Variants in C8A observed in about 807,000 individuals in gnomAD.
C8A encodes the protein complement C8 alpha chain.
A neutral mutation model predicts 65.3 loss-of-function variants in C8A; 67 were observed. That is an observed-to-expected ratio of 1.03 (90% CI 0.84 to 1.26). The LOEUF is 1.26. C8A is among the 50% of genes most tolerant of loss of function. The pLI is 0.00. For synonymous variants in C8A, 290 were observed against 259.4 expected (o/e 1.12, Z -1.13); for missense variants, 781 against 723.9 (o/e 1.08, Z -0.90).
intron 7 of C8A, among the ~76,000 whole-genome samples, chr1:56,900,244 A>G (rs1644416663): frequency 6.6e-6 from 1 of 152,184 alleles, no homozygotes; most frequent in Non-Finnish European, 1.5e-5. Context: ...GATGAAATGG[A>G]GCATCCATTG....
chr1:56,873,108 G>T (rs955084917), intron 2 of C8A, among the ~76,000 whole-genome samples: 6 of 152,152 alleles, frequency 3.9e-5, no homozygotes, highest in Non-Finnish European at 7.4e-5. Context: ...GGACAGGTTT[G>T]ATCTTCACCT....
intron 4 of C8A, among the ~76,000 whole-genome samples, chr1:56,880,588 G>A (rs1463772727): frequency 6.6e-6 from 1 of 152,134 alleles, no homozygotes; most frequent in Non-Finnish European, 1.5e-5. Flanking sequence ...AATGTCCCAT[G>A]CTGCCTCAAA....
chr1:56,872,724 A>T (rs1260091958), intron 2 of C8A, among the ~76,000 whole-genome samples: 1 of 152,136 alleles, frequency 6.6e-6, no homozygotes, highest in Non-Finnish European at 1.5e-5. Context: ...AATGAGCAAG[A>T]TATATTTGGC....
chr1:56,885,315 A>AATATATATTTATATATATTTACATAAAT (rs60530575), intron 6 of C8A, among the ~76,000 whole-genome samples: 1,914 of 116,988 alleles, frequency 0.016, 215 homozygotes, highest in African/African-American at 0.07. Flanking sequence ...TATTTACATA[A>AATATATATTTATATATATTTACATAAAT]ATATATTTAT....
At chr1:56,878,857 T>C (rs1391435427) in intron 4 of C8A, among the ~76,000 whole-genome samples, 2 of 152,168 alleles carry the variant, frequency 1.3e-5, no homozygotes, top group Admixed American at 1.3e-4. Context: ...AAAATATACC[T>C]ATGTGTACTG....
Position 56,870,405 on chromosome 1 carries a change from G to A in C8A, c.171+2703G>A, listed in dbSNP as rs141497050. On this transcript the variant is annotated intron_variant, in intron 2 of 10. Transcript: ENST00000361249. ...ATCCTTACCTTGTGGCTGGATCACT[G>A]CAGTCTCTGCCTCCCTGGTCACGTT... Among the ~76,000 whole-genome samples, 969 of 152,164 alleles carry A rather than the reference G, an allele frequency of 6.4e-3. 18 individuals are homozygous for A. Among genetic ancestry groups the A allele is most frequent in the African/African-American group, 0.022 (912 of 41,536 alleles).
At position 56,917,650 on chromosome 1, in the gene C8A, C is replaced by A. The variant is rs1644563508; in HGVS notation, c.1689C>A (p.Asp563Glu). The A allele has an allele frequency of 6.2e-7, 1 of 1,614,106 alleles. No individual in the cohort carries two copies. The highest frequency in any genetic ancestry group is 1.3e-5 in the African/African-American group (1 of 74,930). Reference sequence around the variant, plus strand: ...TCCAGGAAAGGAGAAGAGAGTGTGACAATCCAGCACCTCAGAATGGAGGGG... The same window carrying A: ...TCCAGGAAAGGAGAAGAGAGTGTGAAAATCCAGCACCTCAGAATGGAGGGG... ...AGIQERRREC[D>E]NPAPQNGGAS... Residue 563 changes from aspartate to glutamate, a missense_variant, in exon 11 of 11, where the codon GAC becomes GAA. Physicochemically the swap from Asp to Glu is conservative, Grantham distance 45. Coordinates refer to ENST00000361249, the MANE Select transcript of C8A (RefSeq NM_000562.3).
At chr1:56,910,065 G>A (rs1221993012) in intron 9 of C8A, among the ~76,000 whole-genome samples, 2 of 152,152 alleles carry the variant, frequency 1.3e-5, no homozygotes, top group Non-Finnish European at 2.9e-5. Context: ...AATAAAGGGT[G>A]ATTTGAAGAA....
At chr1:56,865,742 G>T (rs1031424188) in intron 1 of C8A, among the ~76,000 whole-genome samples, 8 of 152,136 alleles carry the variant, frequency 5.3e-5, no homozygotes. Context: ...CTAATGACAA[G>T]ATTTGAGCTT....
chr1:56,867,547 G>C (rs1466563401), intron 1 of C8A, 62 bp from the exon 2 acceptor site: 1 of 1,193,690 alleles, frequency 8.4e-7, no homozygotes, highest in East Asian at 2.3e-5. Context: ...AATGTGCACA[G>C]CTTTCTCATT....
chr1:56,917,470 A>G (rs1414612528), intron 10 of C8A, 95 bp from the exon 11 acceptor site: 14 of 1,315,714 alleles, frequency 1.1e-5, no homozygotes, highest in East Asian at 9.4e-5. Flanking sequence ...TCCTCTCCCA[A>G]GGGTGCCACA....
intron 7 of C8A, among the ~76,000 whole-genome samples, chr1:56,888,105 C>T (rs926149444): frequency 1.3e-5 from 2 of 152,120 alleles, no homozygotes; most frequent in African/African-American, 2.4e-5. Flanking sequence ...ACATTCTGCA[C>T]ATGTATCCCA....
chr1:56,881,391 A>G, intron 4 of C8A, 54 bp from the exon 5 acceptor site: 1 of 1,568,716 alleles, frequency 6.4e-7, no homozygotes. Flanking sequence ...CCCATCACCC[A>G]GGTATAAAAC....
At position 56,881,520 on chromosome 1, in the gene C8A, A is replaced by G. The variant is rs1644247424; in HGVS notation, c.540A>G (p.Val180=). The change falls in exon 5 of 11, where the codon GTA becomes GTG. Residue 180 remains valine (V), a synonymous_variant. Coordinates refer to ENST00000361249, the MANE Select transcript of C8A (RefSeq NM_000562.3). ...ASYYGGQCET[V]YNGEWRELRY... is the part of the protein sequence containing the mutation. ...ATTATGGGGGCCAGTGTGAGACGGT[A>G]TACAATGGGGAATGGAGGGAGCTTC... 2.5e-6 allele frequency: 4 copies of G among 1,613,634 alleles called. No homozygotes were observed. Among genetic ancestry groups the G allele is most frequent in the Non-Finnish European group, 3.4e-6 (4 of 1,179,738 alleles).
chr1:56,893,879 C>A (rs916526557), intron 7 of C8A, among the ~76,000 whole-genome samples: 3 of 152,128 alleles, frequency 2.0e-5, no homozygotes, highest in African/African-American at 7.2e-5. Context: ...ATGTGACCCA[C>A]AGACAAATTA....
In C8A at chr1:56,886,095, A is replaced by G. The variant is rs1209031680; in HGVS notation, c.1024A>G (p.Ile342Val). ...CATCAATGACTATGGCACCCATTACATCACATCTGGATCCATGGGTGGCAT... is the reference window on the plus strand; with the variant it reads ...CATCAATGACTATGGCACCCATTACGTCACATCTGGATCCATGGGTGGCAT... Reference protein sequence around the residue: ...KFINDYGTHYITSGSMGGIYE... With the variant: ...KFINDYGTHYVTSGSMGGIYE... Residue 342 changes from isoleucine to valine, a missense_variant, in exon 7 of 11, where the codon ATC becomes GTC. Ile to Val is a conservative substitution (Grantham distance 29). Coordinates refer to ENST00000361249, the MANE Select transcript of C8A (RefSeq NM_000562.3). 1.2e-6 allele frequency: 2 copies of G among 1,613,864 alleles called. No homozygotes were observed. Among genetic ancestry groups the G allele is most frequent in the Non-Finnish European group, 1.7e-6 (2 of 1,179,910 alleles).
chr1:56,875,825 A>C (rs538963562), intron 3 of C8A, among the ~76,000 whole-genome samples: 1 of 152,262 alleles, frequency 6.6e-6, no homozygotes, highest in East Asian at 1.9e-4. Flanking sequence ...CATTTTAGAA[A>C]GATTACTGGG....
At chr1:56,871,763 T>C (rs1644148940) in intron 2 of C8A, among the ~76,000 whole-genome samples, 1 of 152,198 alleles carries the variant, frequency 6.6e-6, no homozygotes. Flanking sequence ...ATTATCAAGT[T>C]GGTAGGTACA....
chr1:56,881,960 GC>G (rs1390782343), intron 5 of C8A, among the ~76,000 whole-genome samples: 1 of 152,140 alleles, frequency 6.6e-6, no homozygotes, highest in Non-Finnish European at 1.5e-5. Flanking sequence ...ACTGTTAGCA[GC>G]TAACTCACTG....
Sources: gnomAD v4.1 joint callset for allele counts (sites outside exome capture counted in the v4.1 genomes callset) on GRCh38, gnomAD v4.1.1 for gene constraint, MANE v1.5 for transcripts, NCBI Gene and HGNC (gene_info 2026-07-23, HGNC 2026-07-21) for gene names.